Variants in RPS6KA2 observed in about 807,000 individuals in gnomAD.
RPS6KA2 encodes ribosomal protein S6 kinase A2.
In RPS6KA2, 42 loss-of-function variants were observed where a neutral mutation model predicts 91.8. The ratio of observed to expected loss-of-function variants is 0.46; its 90% CI spans 0.36 to 0.59. The LOEUF (loss-of-function observed/expected upper bound fraction) is 0.59. RPS6KA2 is among the 20% of genes least tolerant of loss of function. The pLI, the probability that RPS6KA2 is intolerant of heterozygous loss-of-function variation, is 0.00. For missense variants in RPS6KA2, 798 were observed against 978.5 expected, an observed-to-expected ratio of 0.82 and a Z score of 2.46; for synonymous variants, 414 against 393.6, an observed-to-expected ratio of 1.05 and a Z score of -0.61.
chr6:166,764,853 C>T (rs1045576631), intron 2 of RPS6KA2, among the ~76,000 whole-genome samples: 4 of 152,254 alleles, frequency 2.6e-5, no homozygotes, highest in African/African-American at 9.6e-5. Flanking sequence ...CATTTACACA[C>T]TACACAACGT....
At chr6:166,776,932 AG>A (rs1391169997) in intron 2 of RPS6KA2, among the ~76,000 whole-genome samples, 1 of 152,124 alleles carries the variant, frequency 6.6e-6, no homozygotes, top group African/African-American at 2.4e-5. Context: ...CATACCTAGG[AG>A]GGGGTCAGCC....
intron 2 of RPS6KA2, among the ~76,000 whole-genome samples, chr6:166,655,162 T>G (rs565804294): frequency 1.8e-4 from 28 of 152,334 alleles, no homozygotes; most frequent in Non-Finnish European, 3.1e-4. Context: ...AACTATTCAA[T>G]TTACCTTCCA....
At chr6:166,485,859 G>A (rs1781390295) in intron 10 of RPS6KA2, among the ~76,000 whole-genome samples, 1 of 152,150 alleles carries the variant, frequency 6.6e-6, no homozygotes, top group African/African-American at 2.4e-5. Context: ...GTCCAAGGCT[G>A]CATCTCCCAC....
intron 1 of RPS6KA2, among the ~76,000 whole-genome samples, chr6:166,594,942 G>T (rs1785490819): frequency 6.6e-6 from 1 of 152,164 alleles, no homozygotes; most frequent in African/African-American, 2.4e-5. Context: ...CTGGAAACTG[G>T]GTCTGGGATT....
intron 1 of RPS6KA2, among the ~76,000 whole-genome samples, chr6:166,593,034 C>A (rs1785407569): frequency 6.6e-6 from 1 of 152,166 alleles, no homozygotes; most frequent in African/African-American, 2.4e-5. Flanking sequence ...CTGATGCAAC[C>A]TCGACAGACA....
intron 2 of RPS6KA2, among the ~76,000 whole-genome samples, chr6:166,839,470 G>A (rs970778727): frequency 1.3e-5 from 2 of 151,512 alleles, no homozygotes; most frequent in African/African-American, 2.4e-5. Context: ...ACTTTTAAGG[G>A]AAGACATTAG....
intron 2 of RPS6KA2, among the ~76,000 whole-genome samples, chr6:166,680,508 C>T (rs1270723444): frequency 6.6e-6 from 1 of 152,166 alleles, no homozygotes; most frequent in East Asian, 1.9e-4. Flanking sequence ...CTGGTGCCCA[C>T]TTTTTGGGTC....
At chr6:166,609,675 T>C (rs997217944) in intron 1 of RPS6KA2, among the ~76,000 whole-genome samples, 9 of 152,056 alleles carry the variant, frequency 5.9e-5, no homozygotes, top group African/African-American at 2.2e-4. Context: ...AATTTTTGTA[T>C]TTTTAGTAGA....
chr6:166,762,430 T>C (rs573024035), intron 2 of RPS6KA2, among the ~76,000 whole-genome samples: 1 of 152,284 alleles, frequency 6.6e-6, no homozygotes, highest in African/African-American at 2.4e-5. Context: ...GGACGGAATA[T>C]GAAGTTCAAA....
At position 166,853,662 on chromosome 6, in the gene RPS6KA2, G is replaced by A. The variant is rs1014470619; in HGVS notation, c.123+4538C>T. On this transcript the variant is annotated intron_variant, in intron 2 of 21. Coordinates refer to the RPS6KA2 transcript ENST00000503859. ...CCACCTAAGTCTCACGAGTGTGGCT[G>A]TGAGGTTCGTTTGAGTACACTTGGC... Among the ~76,000 whole-genome samples the A allele has an allele frequency of 3.3e-5, 5 of 152,394 alleles. No homozygotes were observed. In the East Asian group the frequency reaches 9.6e-4, roughly 29 times the overall value.
At chr6:166,623,477 C>T (rs984655780) in intron 1 of RPS6KA2, among the ~76,000 whole-genome samples, 10 of 152,288 alleles carry the variant, frequency 6.6e-5, no homozygotes, top group African/African-American at 2.4e-4. Flanking sequence ...GCTCATTAGG[C>T]AACTGGCATG....
chr6:166,564,746 T>A (rs1012040877), intron 1 of RPS6KA2, among the ~76,000 whole-genome samples: 1 of 152,134 alleles, frequency 6.6e-6, no homozygotes, highest in African/African-American at 2.4e-5. Context: ...GAACTTTCTA[T>A]GGGGGAAAGT....
rs372719997 is a variant in RPS6KA2 at position 166,432,501 on chromosome 6, C to T, written c.1333-11G>A. On this transcript the variant is annotated splice_polypyrimidine_tract_variant and intron_variant, in intron 14 of 20. Coordinates refer to ENST00000265678, the MANE Select transcript of RPS6KA2 (RefSeq NM_021135.6). ...GCTCTTATCAATGATCTGGAACAAA[C>T]ACAGCACATGGCAGTGAGGGGTCTA... 65 of 1,572,724 alleles carry T rather than the reference C, an allele frequency of 4.1e-5. No homozygotes were observed. Among genetic ancestry groups the T allele is most frequent in the Non-Finnish European group, 5.3e-5 (61 of 1,142,826 alleles).
intron 1 of RPS6KA2, among the ~76,000 whole-genome samples, chr6:166,625,316 T>TC (rs1378588501): frequency 2.1e-3 from 151 of 73,532 alleles, no homozygotes; most frequent in Middle Eastern, 6.3e-3. Flanking sequence ...CGTTTCCTAT[T>TC]CCCACCACCC....
At chr6:166,794,889 C>A (rs1025077100) in intron 2 of RPS6KA2, among the ~76,000 whole-genome samples, 1 of 150,482 alleles carries the variant, frequency 6.6e-6, no homozygotes, top group African/African-American at 2.4e-5. Context: ...AGGAGATATA[C>A]CTAATGCTAA....
chr6:166,473,945 T>G (rs1267027598), intron 10 of RPS6KA2, among the ~76,000 whole-genome samples: 1 of 151,870 alleles, frequency 6.6e-6, no homozygotes, highest in Non-Finnish European at 1.5e-5. Flanking sequence ...TAAAGGTTTT[T>G]TTTTTTTTTT....
At chr6:166,799,316 A>G (rs1420780862) in intron 2 of RPS6KA2, among the ~76,000 whole-genome samples, 3 of 152,260 alleles carry the variant, frequency 2.0e-5, no homozygotes, top group African/African-American at 7.2e-5. Context: ...TTAAATTTTA[A>G]TCAATTGTAT....
At chr6:166,685,902 G>A (rs945737751) in intron 2 of RPS6KA2, among the ~76,000 whole-genome samples, 3 of 152,228 alleles carry the variant, frequency 2.0e-5, no homozygotes, top group South Asian at 2.1e-4. Flanking sequence ...GAGTGATCCC[G>A]CAGACAATGC....
chr6:166,858,321 T>A, intron 1 of RPS6KA2: 1 of 876,268 alleles, frequency 1.1e-6, no homozygotes, highest in Non-Finnish European at 1.9e-6. Flanking sequence ...GGTGGCCTCA[T>A]ACAGGTTACC....
Sources: gnomAD v4.1 joint callset for allele counts (sites outside exome capture counted in the v4.1 genomes callset) on GRCh38, gnomAD v4.1.1 for gene constraint, MANE v1.5 for transcripts, NCBI Gene and HGNC (gene_info 2026-07-23, HGNC 2026-07-21) for gene names.